PCBP3: variants seen among roughly 807,000 people sequenced by gnomAD.
PCBP3 encodes poly(rC)-binding protein 3.
Under a neutral mutation model 52.7 loss-of-function variants are expected in PCBP3, and 25 were observed. That is an observed-to-expected ratio of 0.47 (90% CI 0.35 to 0.66). PCBP3 has a LOEUF of 0.66. Ranked by LOEUF, PCBP3 falls within the 30% of genes least tolerant of loss-of-function variation. The pLI is 0.01. For missense variants in PCBP3, 391 were observed against 490.3 expected, an observed-to-expected ratio of 0.80 and a Z score of 1.91; for synonymous variants, 162 against 183.0, an observed-to-expected ratio of 0.89 and a Z score of 0.93.
intron 5 of PCBP3, among the ~76,000 whole-genome samples, chr21:45,865,417 C>G (rs1332333309): frequency 6.6e-6 from 1 of 152,242 alleles, no homozygotes; most frequent in Non-Finnish European, 1.5e-5. Context: ...ATGGATATTC[C>G]TTCGCTTCTA....
intron 2 of PCBP3, among the ~76,000 whole-genome samples, chr21:45,702,362 T>C (rs946299509): frequency 6.6e-6 from 1 of 152,196 alleles, no homozygotes; most frequent in Non-Finnish European, 1.5e-5. Flanking sequence ...AAAAAATCAC[T>C]TGATAATTTC....
At chr21:45,677,800 G>A (rs2081563741) in intron 2 of PCBP3, among the ~76,000 whole-genome samples, 1 of 152,128 alleles carries the variant, frequency 6.6e-6, no homozygotes, top group South Asian at 2.1e-4. Context: ...GAACAACAAA[G>A]CCTAGATAAC....
intron 7 of PCBP3, among the ~76,000 whole-genome samples, chr21:45,900,244 A>G (rs1440687289): frequency 1.3e-5 from 2 of 152,174 alleles, no homozygotes. Flanking sequence ...GCTGAGCCAG[A>G]GTGTAGCCGG....
intron 3 of PCBP3, among the ~76,000 whole-genome samples, chr21:45,752,024 A>G (rs926904672): frequency 6.6e-6 from 1 of 151,984 alleles, no homozygotes; most frequent in East Asian, 1.9e-4. Context: ...TCTTAGAGAT[A>G]TTATTTCTTT....
chr21:45,774,426 G>A (rs1017160883), intron 4 of PCBP3, among the ~76,000 whole-genome samples: 2 of 151,328 alleles, frequency 1.3e-5, no homozygotes, highest in African/African-American at 4.8e-5. Flanking sequence ...TTTTGGTGGA[G>A]ACTTTAGTTT....
intron 1 of PCBP3, among the ~76,000 whole-genome samples, chr21:45,652,442 CTTT>C (rs377230019): frequency 2.2e-5 from 3 of 135,592 alleles, no homozygotes; most frequent in Non-Finnish European, 1.6e-5. Flanking sequence ...ATTCTGATGG[CTTT>C]TTTTTTTTTT....
intron 4 of PCBP3, among the ~76,000 whole-genome samples, chr21:45,786,686 C>A (rs114754062): frequency 6.6e-6 from 1 of 152,174 alleles, no homozygotes; most frequent in African/African-American, 2.4e-5. Flanking sequence ...TTGCTACGTT[C>A]GTTCCAACTC....
chr21:45,657,155 G>T (rs565610521), intron 1 of PCBP3, among the ~76,000 whole-genome samples: 12 of 152,220 alleles, frequency 7.9e-5, no homozygotes, highest in African/African-American at 2.6e-4. Context: ...ATGCACAAAT[G>T]ATTTTTATTT....
chr21:45,918,064 A>G, intron 13 of PCBP3: 1 of 260,410 alleles, frequency 3.8e-6, no homozygotes, highest in Non-Finnish European at 7.5e-6. Context: ...GGTGAAATTA[A>G]CTCCCCCTTT....
At chr21:45,661,801 T>A (rs773073528) in intron 1 of PCBP3, among the ~76,000 whole-genome samples, 1 of 152,242 alleles carries the variant, frequency 6.6e-6, no homozygotes, top group Non-Finnish European at 1.5e-5. Flanking sequence ...CTTGCCAACA[T>A]CTGTCATTTT....
chr21:45,676,417 A>G (rs1360066437), intron 2 of PCBP3, among the ~76,000 whole-genome samples: 1 of 152,066 alleles, frequency 6.6e-6, no homozygotes, highest in African/African-American at 2.4e-5. Flanking sequence ...GCATCAAGAA[A>G]GTCTTTCAGT....
intron 1 of PCBP3, among the ~76,000 whole-genome samples, chr21:45,646,047 A>G (rs1036865286): frequency 1.0e-3 from 94 of 92,920 alleles, no homozygotes; most frequent in African/African-American, 3.9e-3. Flanking sequence ...AATCCGTGTC[A>G]CCTGTTTCTC....
At chr21:45,652,340 A>G (rs1294938682) in intron 1 of PCBP3, among the ~76,000 whole-genome samples, 6 of 152,242 alleles carry the variant, frequency 3.9e-5, no homozygotes, top group Non-Finnish European at 7.3e-5. Context: ...CATAAAAAGC[A>G]GAATAAAATC....
chr21:45,893,676 T>C, intron 5 of PCBP3: 1 of 889,190 alleles, frequency 1.1e-6, no homozygotes, highest in Non-Finnish European at 1.3e-6. Flanking sequence ...CTTCTCCCTG[T>C]CCCATTGCAT....
intron 4 of PCBP3, among the ~76,000 whole-genome samples, chr21:45,764,352 C>G (rs892023009): frequency 2.0e-5 from 3 of 152,090 alleles, no homozygotes; most frequent in Non-Finnish European, 4.4e-5. Context: ...GAACTCCCGA[C>G]CTCAGGCAGT....
chr21:45,767,899 G>A (rs2089501561), intron 4 of PCBP3, among the ~76,000 whole-genome samples: 1 of 152,232 alleles, frequency 6.6e-6, no homozygotes, highest in African/African-American at 2.4e-5. Context: ...GCTGTTAGAG[G>A]GGCAGGCAGT....
At chr21:45,899,644 G>T (rs763002034) in intron 7 of PCBP3, 22 bp downstream of exon 7, 4 of 1,592,786 alleles carry the variant, frequency 2.5e-6, no homozygotes, top group Non-Finnish European at 3.4e-6. Flanking sequence ...TTGAATCTCT[G>T]CCTCTCCTGG....
At chr21:45,804,109 C>T (rs1389997907) in intron 4 of PCBP3, among the ~76,000 whole-genome samples, 1 of 152,170 alleles carries the variant, frequency 6.6e-6, no homozygotes, top group Non-Finnish European at 1.5e-5. Context: ...TGCCCACTGC[C>T]TGCTGCCGCG....
intron 9 of PCBP3, among the ~76,000 whole-genome samples, 148 bp from the exon 10 acceptor site, chr21:45,909,202 TCCCTG>T (rs1341994422): frequency 6.6e-6 from 1 of 151,906 alleles, no homozygotes; most frequent in Non-Finnish European, 1.5e-5. Context: ...CTCCTGGTCC[TCCCTG>T]GCCTGGCCTG....
Sources: gnomAD v4.1 joint callset for allele counts (sites outside exome capture counted in the v4.1 genomes callset) on GRCh38, gnomAD v4.1.1 for gene constraint, MANE v1.5 for transcripts, NCBI Gene and HGNC (gene_info 2026-07-23, HGNC 2026-07-21) for gene names.